Variants in GLG1 observed in about 807,000 individuals in gnomAD.
GLG1 encodes golgi glycoprotein 1.
GLG1 carries 38 observed loss-of-function variants against 160.5 expected under a neutral mutation model. The ratio of observed to expected loss-of-function variants is 0.24; its 90% CI spans 0.18 to 0.31. GLG1 has a LOEUF of 0.31. Among genes scored for constraint, GLG1 ranks in the 10% least tolerant of loss-of-function variants. The pLI is 1.00. For missense variants in GLG1, 1,373 were observed against 1,505.2 expected, an observed-to-expected ratio of 0.91 and a Z score of 1.45; for synonymous variants, 644 against 543.4, an observed-to-expected ratio of 1.19 and a Z score of -2.57.
intron 1 of GLG1, among the ~76,000 whole-genome samples, chr16:74,581,854 G>A (rs925202273): frequency 1.3e-5 from 2 of 152,196 alleles, no homozygotes; most frequent in African/African-American, 4.8e-5. Flanking sequence ...AGAGGTCACA[G>A]TGAGTCGAGA....
chr16:74,504,599 A>G (rs982220211), intron 3 of GLG1, among the ~76,000 whole-genome samples: 1 of 152,148 alleles, frequency 6.6e-6, no homozygotes, highest in Non-Finnish European at 1.5e-5. Flanking sequence ...ACTTCTTGAC[A>G]TGACATTAAT....
chr16:74,464,941 C>T (rs1404135923), intron 19 of GLG1, among the ~76,000 whole-genome samples: 3 of 152,084 alleles, frequency 2.0e-5, no homozygotes, highest in African/African-American at 4.8e-5. Context: ...CTCCCAGGAG[C>T]GATTCTCTTG....
At chr16:74,589,896 C>T (rs1486133041) in intron 1 of GLG1, among the ~76,000 whole-genome samples, 1 of 152,026 alleles carries the variant, frequency 6.6e-6, no homozygotes, top group Non-Finnish European at 1.5e-5. Context: ...GAAATCCAGC[C>T]AATGCACTCC....
At chr16:74,496,334 T>TAGCA in intron 5 of GLG1, 107 bp downstream of exon 5, 2 of 794,550 alleles carry the variant, frequency 2.5e-6, no homozygotes, top group Non-Finnish European at 4.0e-6. Context: ...CTGGGCAACA[T>TAGCA]AGCAAGACTC....
intron 1 of GLG1, among the ~76,000 whole-genome samples, chr16:74,556,374 G>A (rs1249098206): frequency 1.3e-5 from 2 of 152,052 alleles, no homozygotes; most frequent in Admixed American, 1.3e-4. Context: ...TCTTTGACTA[G>A]GAAAAATGGA....
At chr16:74,547,417 C>G (rs2018078601) in intron 1 of GLG1, among the ~76,000 whole-genome samples, 1 of 151,906 alleles carries the variant, frequency 6.6e-6, no homozygotes, top group Admixed American at 6.6e-5. Flanking sequence ...ATAGATCAGA[C>G]ACAACAAAAG....
rs192057568 is a variant in GLG1, at chr16:74,451,332, T to C, written c.*1835A>G. ...CAGCTTAGCAGCTTCCCTTGGTGAC[T>C]TGGCAGGGGGACAATCAGTTGGCTT... On this transcript the variant is annotated 3_prime_UTR_variant, in exon 26 of 26. Coordinates refer to ENST00000422840, the MANE Select transcript of GLG1 (RefSeq NM_001145667.2). The C allele has an allele frequency of 2.6e-5, 4 of 152,312 alleles. No individual in the cohort carries two copies. The highest frequency in any genetic ancestry group is 2.6e-4 in the Admixed American group (4 of 15,300). 9.4% of individuals were successfully genotyped at this position (152,312 alleles called of 1,614,324 possible). A position where few individuals can be genotyped will look rare whatever the true frequency, so the allele number is the denominator to read the frequency against.
intron 8 of GLG1, among the ~76,000 whole-genome samples, chr16:74,488,879 A>G (rs12716766): frequency 0.95 from 143,873 of 152,108 alleles, 68,246 homozygotes; most frequent in East Asian, 1. Flanking sequence ...TTGGCCTCCC[A>G]AAGTTCTGGG....
At chr16:74,590,822 A>G (rs545726115) in intron 1 of GLG1, among the ~76,000 whole-genome samples, 1 of 151,020 alleles carries the variant, frequency 6.6e-6, no homozygotes, top group South Asian at 2.1e-4. Context: ...GAAAAAAAAA[A>G]AGGAAAGCAT....
intron 3 of GLG1, among the ~76,000 whole-genome samples, chr16:74,504,114 G>A (rs1251984178): frequency 6.6e-6 from 1 of 152,144 alleles, no homozygotes; most frequent in Non-Finnish European, 1.5e-5. Context: ...TGCAAAAAAT[G>A]CAGGAGACAG....
At position 74,463,411 on chromosome 16, in the gene GLG1, C is replaced by T. The variant is rs369044494; in HGVS notation, c.2736G>A (p.Leu912=). 3.0e-5 allele frequency: 48 copies of T among 1,613,844 alleles called. No homozygotes were observed. In the African/African-American group the frequency reaches 4.7e-4, roughly 16 times the overall value. Reference sequence around the variant, plus strand: ...TCATCTGTTTGCATTTGGGATCCATCAATTCACTGTTTTTATTTTGCTTCA... The same window carrying T: ...TCATCTGTTTGCATTTGGGATCCATTAATTCACTGTTTTTATTTTGCTTCA... ...QCLKQNKNSE[L]MDPKCKQMIT... Residue 912 remains leucine (L), a synonymous_variant, in exon 20 of 26, where the codon TTG becomes TTA. Transcript: ENST00000422840.
At chr16:74,530,622 G>C (rs2017502603) in intron 2 of GLG1, among the ~76,000 whole-genome samples, 1 of 151,608 alleles carries the variant, frequency 6.6e-6, no homozygotes, top group Non-Finnish European at 1.5e-5. Flanking sequence ...TATCAATACT[G>C]TGTATTTATC....
In GLG1 at chr16:74,452,582, G is replaced by A. The variant is rs1272082589; in HGVS notation, c.*585C>T. ...AAGAAAGCAGGACCCCACACAGCCT[G>A]GGGAACGGCTGCCCACCCACGCCTC... On this transcript the variant is annotated 3_prime_UTR_variant, in exon 26 of 26. Coordinates refer to ENST00000422840, the MANE Select transcript of GLG1 (RefSeq NM_001145667.2). 5 of 1,000,086 alleles carry A rather than the reference G, an allele frequency of 5.0e-6. No homozygotes were observed. The African/African-American group carries it at 8.7e-5, about 17-fold the overall frequency. The allele number at this position is 1,000,086 out of a possible 1,614,324, so 62.0% of individuals were successfully genotyped here.
chr16:74,601,378 G>GATCT (rs764509246), intron 1 of GLG1, among the ~76,000 whole-genome samples: 6 of 151,308 alleles, frequency 4.0e-5, no homozygotes, highest in South Asian at 2.1e-4. Flanking sequence ...TCAGGAGTTA[G>GATCT]AGACCAACCT....
At chr16:74,473,909 G>A (rs2015306410) in intron 13 of GLG1, among the ~76,000 whole-genome samples, 1 of 152,086 alleles carries the variant, frequency 6.6e-6, no homozygotes, top group Non-Finnish European at 1.5e-5. Flanking sequence ...ACGGGAATGT[G>A]TAGATTGCTC....
intron 2 of GLG1, among the ~76,000 whole-genome samples, chr16:74,524,497 G>T (rs79197418): frequency 0.019 from 2,811 of 151,230 alleles, 35 homozygotes; most frequent in Non-Finnish European, 0.027. Context: ...TGATGTTAAA[G>T]AATTATGGTA....
chr16:74,474,921 C>G (rs2015343161), intron 12 of GLG1, among the ~76,000 whole-genome samples: 1 of 152,090 alleles, frequency 6.6e-6, no homozygotes, highest in African/African-American at 2.4e-5. Flanking sequence ...CTTTGGGAGG[C>G]TGAAGTGGGC....
At chr16:74,554,377 T>C (rs981455691) in intron 1 of GLG1, among the ~76,000 whole-genome samples, 2 of 152,036 alleles carry the variant, frequency 1.3e-5, no homozygotes, top group African/African-American at 2.4e-5. Context: ...CTACTAAAAA[T>C]ACAAAAATTA....
chr16:74,599,942 G>A (rs532958981), intron 1 of GLG1, among the ~76,000 whole-genome samples: 8 of 152,132 alleles, frequency 5.3e-5, no homozygotes, highest in African/African-American at 1.9e-4. Context: ...GTGGAGCCAG[G>A]AGAATCGCTT....
Sources: allele counts gnomAD v4.1 joint callset (sites outside exome capture counted in the v4.1 genomes callset), GRCh38; gene constraint gnomAD v4.1.1; transcripts MANE v1.5; gene names NCBI Gene and HGNC (gene_info 2026-07-23, HGNC 2026-07-21).